PDE1A: variants seen among roughly 807,000 people sequenced by gnomAD.
The protein encoded by PDE1A is dual specificity calcium/calmodulin-dependent 3',5'-cyclic nucleotide phosphodiesterase 1A.
PDE1A carries 35 observed loss-of-function variants against 61.7 expected under a neutral mutation model. The observed-to-expected ratio is 0.57, with a 90% CI of 0.43 to 0.75. PDE1A has a LOEUF of 0.75. Among genes scored for constraint, PDE1A ranks in the 30% least tolerant of loss-of-function variants. The pLI, the probability that PDE1A is intolerant of heterozygous loss-of-function variation, is 0.00. For synonymous variants in PDE1A, 232 were observed against 213.2 expected (o/e 1.09, Z -0.77); for missense variants, 597 against 630.6 (o/e 0.95, Z 0.57).
the PDE1A span, among the ~76,000 whole-genome samples, chr2:182,557,864 C>T: frequency 6.6e-6 from 1 of 152,106 alleles, no homozygotes. Flanking sequence ...GCAAATCTTA[C>T]AAATCTTTCA....
chr2:182,253,243 T>C (rs1042765780), intron 2 of PDE1A, among the ~76,000 whole-genome samples: 2 of 152,206 alleles, frequency 1.3e-5, no homozygotes, highest in Non-Finnish European at 2.9e-5. Context: ...ATGCTGTCAA[T>C]GACAGGTGAC....
the PDE1A span, among the ~76,000 whole-genome samples, chr2:182,543,318 G>A: frequency 3.3e-5 from 5 of 152,122 alleles, no homozygotes; most frequent in Admixed American, 2.6e-4. Flanking sequence ...CTAAGTAGCC[G>A]ACTATTCTAC....
At chr2:182,257,472 A>C (rs1691905361) in intron 2 of PDE1A, among the ~76,000 whole-genome samples, 1 of 152,226 alleles carries the variant, frequency 6.6e-6, no homozygotes, top group African/African-American at 2.4e-5. Flanking sequence ...TAAAAAAAGT[A>C]AGGGCTCTCC....
the PDE1A span, among the ~76,000 whole-genome samples, chr2:182,547,290 C>T: frequency 4.6e-5 from 7 of 152,122 alleles, no homozygotes; most frequent in African/African-American, 1.7e-4. Flanking sequence ...CACCCTTTTG[C>T]TGTCCATATG....
At chr2:182,473,469 G>T (rs1687162762) in intron 2 of PDE1A, among the ~76,000 whole-genome samples, 1 of 151,836 alleles carries the variant, frequency 6.6e-6, no homozygotes, top group South Asian at 2.1e-4. Context: ...GTGGGTGAAG[G>T]ACATGAACAG....
chr2:182,623,901 G>A, the PDE1A span, among the ~76,000 whole-genome samples: 74 of 152,156 alleles, frequency 4.9e-4, no homozygotes, highest in African/African-American at 1.7e-3. Context: ...CGAGACGGGC[G>A]GATCACGAGG....
the PDE1A span, among the ~76,000 whole-genome samples, chr2:182,559,997 G>A: frequency 1.6e-4 from 25 of 151,948 alleles, no homozygotes; most frequent in East Asian, 4.8e-3. Context: ...GGTAGTTTGT[G>A]GGGGAAGAGA....
At chr2:182,228,181 AGGAG>A (rs1329033903) in intron 6 of PDE1A, among the ~76,000 whole-genome samples, 2 of 152,124 alleles carry the variant, frequency 1.3e-5, no homozygotes, top group Non-Finnish European at 2.9e-5. Flanking sequence ...AAGTGACAAA[AGGAG>A]AGAGATAGGG....
At chr2:182,141,028 TA>T (rs1420493433) in exon 15 of PDE1A, 1 of 151,906 alleles carries the variant, frequency 6.6e-6, no homozygotes, top group Non-Finnish European at 1.5e-5. Flanking sequence ...AAAATTAGGT[TA>T]AAGCCCATAT....
At chr2:182,560,633 C>A in the PDE1A span, among the ~76,000 whole-genome samples, 1 of 152,144 alleles carries the variant, frequency 6.6e-6, no homozygotes, top group Non-Finnish European at 1.5e-5. Context: ...CCTGAGGAAT[C>A]ACCACACTGA....
intron 2 of PDE1A, among the ~76,000 whole-genome samples, chr2:182,252,509 AGT>A (rs1691473386): frequency 7.7e-5 from 1 of 12,928 alleles, no homozygotes; most frequent in Admixed American, 7.4e-4. Flanking sequence ...GATAAGTCAG[AGT>A]AAAGTTTCCA....
the PDE1A span, among the ~76,000 whole-genome samples, chr2:182,643,252 A>G: frequency 1.3e-5 from 2 of 152,322 alleles, no homozygotes; most frequent in Admixed American, 1.3e-4. Flanking sequence ...ACCTCCTTTG[A>G]GGCAGAGTAT....
chr2:182,316,578 G>A (rs917474902), intron 1 of PDE1A, among the ~76,000 whole-genome samples: 1 of 152,088 alleles, frequency 6.6e-6, no homozygotes, highest in African/African-American at 2.4e-5. Flanking sequence ...TAAAATATTT[G>A]TAAAAATATT....
At chr2:182,503,826 G>T (rs1256899984) in intron 2 of PDE1A, among the ~76,000 whole-genome samples, 5 of 152,162 alleles carry the variant, frequency 3.3e-5, no homozygotes, top group African/African-American at 1.2e-4. Context: ...CAGGAAGGTA[G>T]GGATCGTATC....
the PDE1A span, among the ~76,000 whole-genome samples, chr2:182,629,520 C>G: frequency 1.3e-5 from 2 of 152,268 alleles, no homozygotes; most frequent in South Asian, 4.1e-4. Context: ...TGTTTCAAAA[C>G]TGGGCTATTA....
the PDE1A span, among the ~76,000 whole-genome samples, chr2:182,613,625 T>G: frequency 6.6e-6 from 1 of 152,164 alleles, no homozygotes; most frequent in Non-Finnish European, 1.5e-5. Context: ...CAGGGTTCCA[T>G]TGAATGGTAC....
At chr2:182,604,097 A>C in the PDE1A span, among the ~76,000 whole-genome samples, 1 of 152,126 alleles carries the variant, frequency 6.6e-6, no homozygotes, top group East Asian at 1.9e-4. Flanking sequence ...TTACAAATTA[A>C]GAAGATCTTA....
chr2:182,334,153 G>C (rs1302503987), intron 1 of PDE1A, among the ~76,000 whole-genome samples: 2 of 151,920 alleles, frequency 1.3e-5, no homozygotes, highest in African/African-American at 4.8e-5. Flanking sequence ...CCAGAGGTAT[G>C]AAGAGGAGCT....
intron 2 of PDE1A, among the ~76,000 whole-genome samples, chr2:182,467,575 T>C (rs1354388456): frequency 6.6e-6 from 1 of 151,848 alleles, no homozygotes; most frequent in Non-Finnish European, 1.5e-5. Context: ...TTATCCTGAT[T>C]CCAAATCCAA....
Sources: allele counts gnomAD v4.1 joint callset (sites outside exome capture counted in the v4.1 genomes callset), GRCh38; gene constraint gnomAD v4.1.1; transcripts MANE v1.5; gene names NCBI Gene and HGNC (gene_info 2026-07-23, HGNC 2026-07-21).